The following L3HYPDH variants were observed in gnomAD, a reference collection of about 807,000 sequenced individuals.
The protein encoded by L3HYPDH is trans-3-hydroxy-L-proline dehydratase.
L3HYPDH carries 32 observed loss-of-function variants against 26.5 expected under a neutral mutation model. That is an observed-to-expected ratio of 1.21 (90% CI 0.91 to 1.62). L3HYPDH has a LOEUF of 1.62. L3HYPDH is among the 40% of genes most tolerant of loss of function. The pLI is 0.00. For missense variants in L3HYPDH, 554 were observed against 476.4 expected (o/e 1.16, Z -1.52); for synonymous variants, 215 against 196.6 (o/e 1.09, Z -0.78).
chr14:59,469,014 A>C (rs1177052557), downstream of L3HYPDH, among the ~76,000 whole-genome samples: 2 of 152,334 alleles, frequency 1.3e-5, no homozygotes, highest in East Asian at 3.9e-4. Flanking sequence ...ACAAAAGGAC[A>C]GTCTAACAGC....
chr14:59,474,773 T>G (rs1889512941), intron 4 of L3HYPDH: 1 of 368,920 alleles, frequency 2.7e-6, no homozygotes, highest in Non-Finnish European at 4.8e-6. Flanking sequence ...ATGTATCAAG[T>G]GCTTAGCTTG....
At chr14:59,495,573 T>A in the L3HYPDH span, among the ~76,000 whole-genome samples, 4 of 152,224 alleles carry the variant, frequency 2.6e-5, no homozygotes, top group Admixed American at 1.3e-4. Flanking sequence ...TCTGTTAGAA[T>A]GTTTTGTTTT....
the L3HYPDH span, among the ~76,000 whole-genome samples, chr14:59,490,907 A>G: frequency 6.6e-6 from 1 of 152,190 alleles, no homozygotes; most frequent in African/African-American, 2.4e-5. Flanking sequence ...GACGTCAGCT[A>G]TGTTTTGAGG....
chr14:59,473,006 C>G lies in L3HYPDH; in HGVS notation c.1024G>C (p.Glu342Gln). ...CCATCCCTCAATGGGTCGTCATCTT[C>G]TATTATAAAGCTTGCTGTACCCGTG... The part of the protein sequence containing the change: ...HYTGTASFII[E>Q]DDDPLRDGFL... The change falls in exon 5 of 5, where the codon GAA (glutamate) becomes CAA (glutamine). Residue 342 changes from glutamate (E) to glutamine (Q), a missense_variant. Glu to Gln is a conservative substitution (Grantham distance 29, BLOSUM62 2). Transcript: ENST00000247194. 1 of 1,608,636 alleles carries G rather than the reference C, an allele frequency of 6.2e-7. No individual in the cohort carries two copies. The highest frequency in any genetic ancestry group is 8.5e-7 in the Non-Finnish European group (1 of 1,178,002).
chr14:59,468,744 A>G (rs1889249985), downstream of L3HYPDH, among the ~76,000 whole-genome samples: 1 of 152,226 alleles, frequency 6.6e-6, no homozygotes, highest in Non-Finnish European at 1.5e-5. Context: ...TACAAATGCC[A>G]ACATACAAAA....
the L3HYPDH span, among the ~76,000 whole-genome samples, chr14:59,502,755 T>TGTTTTGTTTTGTTTTGTTTTTTGTTTTG: frequency 8.1e-6 from 1 of 122,918 alleles, no homozygotes; most frequent in African/African-American, 3.0e-5. Context: ...ATGAGATTTT[T>TGTTTTGTTTTGTTTTGTTTTTTGTTTTG]TTTTTTTTTT....
chr14:59,504,177 T>G, the L3HYPDH span: 1 of 685,342 alleles, frequency 1.5e-6, no homozygotes, highest in Non-Finnish European at 2.5e-6. Flanking sequence ...GGGAACAAGA[T>G]TGTCAGTATA....
chr14:59,476,364 T>G, intron 2 of L3HYPDH, 150 bp from the exon 3 acceptor site: 1 of 615,638 alleles, frequency 1.6e-6, no homozygotes, highest in South Asian at 2.3e-5. Flanking sequence ...TGCTAGAAAT[T>G]ATGTCTTTGT....
the L3HYPDH span, chr14:59,503,922 C>T: frequency 6.2e-7 from 1 of 1,613,452 alleles, no homozygotes; most frequent in African/African-American, 1.3e-5. Flanking sequence ...TACTTCATGC[C>T]TATGGAATAA....
At position 59,483,690 on chromosome 14, in the gene L3HYPDH, A is replaced by T. The variant is rs779399021; in HGVS notation, c.508+119T>A. On this transcript the variant is annotated intron_variant, in intron 1 of 4. Transcript: ENST00000247194. Reference sequence around the variant, plus strand: ...TTGGCAGTGATTTACCTTTCTATTAATTGCAAGGTTTCGCGGAGTAGGTTA... The same window carrying T: ...TTGGCAGTGATTTACCTTTCTATTATTTGCAAGGTTTCGCGGAGTAGGTTA... 1.5e-5 allele frequency: 22 copies of T among 1,472,368 alleles called. No homozygotes were observed. The South Asian group carries it at 2.1e-4, about 14-fold the overall frequency. The allele number at this position is 1,472,368 out of a possible 1,614,324, so 91.2% of individuals were successfully genotyped here.
chr14:59,480,219 G>T (rs1319139112), intron 1 of L3HYPDH, among the ~76,000 whole-genome samples: 1 of 152,230 alleles, frequency 6.6e-6, no homozygotes, highest in Non-Finnish European at 1.5e-5. Context: ...GTCCTGAAGG[G>T]AGAAATATTT....
At chr14:59,475,661 T>G (rs1387272852) in intron 4 of L3HYPDH, among the ~76,000 whole-genome samples, 1 of 152,192 alleles carries the variant, frequency 6.6e-6, no homozygotes, top group Non-Finnish European at 1.5e-5. Context: ...TTTGACCCTC[T>G]GAACCCATGG....
At chr14:59,475,833 C>A in intron 4 of L3HYPDH, 36 bp downstream of exon 4, 1 of 1,585,592 alleles carries the variant, frequency 6.3e-7, no homozygotes, top group Non-Finnish European at 8.6e-7. Flanking sequence ...TCATGAGTGA[C>A]ACATTTATAA....
intron 1 of L3HYPDH, 98 bp from the exon 2 acceptor site, chr14:59,479,449 G>A (rs1488381237): frequency 5.4e-6 from 6 of 1,110,438 alleles, no homozygotes; most frequent in Non-Finnish European, 7.8e-6. Flanking sequence ...TTTCAAGAGG[G>A]ATGTTCTTTT....
chr14:59,484,701 C>G (rs1451030934), upstream of L3HYPDH: 3 of 1,367,406 alleles, frequency 2.2e-6, no homozygotes, highest in African/African-American at 4.3e-5. Context: ...GTTGGCGGCG[C>G]AGGCTCGCCC....
chr14:59,497,633 C>T, the L3HYPDH span, among the ~76,000 whole-genome samples: 1 of 152,072 alleles, frequency 6.6e-6, no homozygotes, highest in African/African-American at 2.4e-5. Context: ...TGATTAAAAT[C>T]ATCTTTTTTA....
chr14:59,472,422 T>C (rs908505012), downstream of L3HYPDH, among the ~76,000 whole-genome samples: 5 of 152,188 alleles, frequency 3.3e-5, no homozygotes, highest in Non-Finnish European at 7.3e-5. Context: ...AAGCTGGGCT[T>C]TGTGCCACAG....
chr14:59,484,044 G>A lies in L3HYPDH; in HGVS notation c.273C>T (p.Gly91=). 1.2e-6 allele frequency: 2 copies of A among 1,606,302 alleles called. No homozygotes were observed. The highest frequency in any genetic ancestry group is 2.2e-5 in the South Asian group (2 of 90,876). Reference sequence around the variant, plus strand: ...AGCCCTCGTTGTGCAGGAACAGGACGCCCAGATGCGCGTCCGGCAGCTCGC... The same window carrying A: ...AGCCCTCGTTGTGCAGGAACAGGACACCCAGATGCGCGTCCGGCAGCTCGC... ...VPSELPDAHL[G]VLFLHNEGYS... Residue 91 remains glycine (G), a synonymous_variant, in exon 1 of 5, where the codon GGC becomes GGT. Transcript: ENST00000247194.
chr14:59,495,180 T>G, the L3HYPDH span: 1 of 1,613,728 alleles, frequency 6.2e-7, no homozygotes, highest in Non-Finnish European at 8.5e-7. Context: ...CAAGTCCAGA[T>G]TACGTTACCA....
Sources: gnomAD v4.1 joint callset for allele counts (sites outside exome capture counted in the v4.1 genomes callset) on GRCh38, gnomAD v4.1.1 for gene constraint, MANE v1.5 for transcripts, NCBI Gene and HGNC (gene_info 2026-07-23, HGNC 2026-07-21) for gene names.